Variants in HDAC9 observed in about 807,000 individuals in gnomAD.
HDAC9 encodes the protein histone deacetylase 9.
A neutral mutation model predicts 139.4 loss-of-function variants in HDAC9; 41 were observed. The ratio of observed to expected loss-of-function variants is 0.29; its 90% CI spans 0.23 to 0.38. The LOEUF (loss-of-function observed/expected upper bound fraction) is 0.38, where lower values mean the gene tolerates loss of function less well. Among genes scored for constraint, HDAC9 ranks in the 10% least tolerant of loss-of-function variants. HDAC9 has a pLI of 1.00. For synonymous variants in HDAC9, 517 were observed against 476.2 expected, an observed-to-expected ratio of 1.09 and a Z score of -1.12; for missense variants, 1,147 against 1,297.0, an observed-to-expected ratio of 0.88 and a Z score of 1.78.
intron 17 of HDAC9, among the ~76,000 whole-genome samples, chr7:18,803,778 T>C (rs1017530118): frequency 6.6e-6 from 1 of 152,196 alleles, no homozygotes. Flanking sequence ...GTCAAGTTGT[T>C]TAAAATATAT....
intron 1 of HDAC9, among the ~76,000 whole-genome samples, chr7:18,376,153 T>C (rs1031392920): frequency 3.3e-5 from 5 of 151,932 alleles, no homozygotes. Context: ...GAGTAAGAGA[T>C]ACACGGAAGG....
intron 21 of HDAC9, among the ~76,000 whole-genome samples, chr7:18,837,961 G>C (rs1485840194): frequency 6.6e-6 from 1 of 152,048 alleles, no homozygotes; most frequent in Non-Finnish European, 1.5e-5. Flanking sequence ...TCCATTACTT[G>C]AGTTTCATTA....
intron 2 of HDAC9, among the ~76,000 whole-genome samples, chr7:18,578,477 G>T (rs543042368): frequency 6.6e-6 from 1 of 152,320 alleles, no homozygotes; most frequent in South Asian, 2.1e-4. Flanking sequence ...CTTCTCTGCA[G>T]AGGGTTAGAG....
In HDAC9 at chr7:18,738,715, G is replaced by T. The variant is rs147605033; in HGVS notation, c.1910-10290G>T. 4.7e-4 allele frequency among the ~76,000 whole-genome samples: 71 copies of T among 152,148 alleles called. 3 individuals are homozygous for T. The East Asian group carries it at 0.013, about 28-fold the overall frequency. On this transcript the variant is annotated intron_variant, in intron 13 of 25. Coordinates refer to ENST00000686413, the MANE Select transcript of HDAC9 (RefSeq NM_178425.4). ...ACACTTTTTCCTTCATTTCAACCTTGGTGTATTTGATGATTATGTGTCTTG... is the reference window on the plus strand; with the variant it reads ...ACACTTTTTCCTTCATTTCAACCTTTGTGTATTTGATGATTATGTGTCTTG...
intron 22 of HDAC9, among the ~76,000 whole-genome samples, chr7:18,917,534 G>A (rs565794123): frequency 6.6e-6 from 1 of 152,060 alleles, no homozygotes; most frequent in Admixed American, 6.6e-5. Context: ...TGTGGTGGGG[G>A]CAGCAGAGTT....
chr7:18,418,977 A>T (rs763533501), intron 1 of HDAC9, among the ~76,000 whole-genome samples: 2 of 152,194 alleles, frequency 1.3e-5, no homozygotes, highest in Non-Finnish European at 2.9e-5. Context: ...GTTTTTGAGC[A>T]TCTGCCCTGT....
At chr7:18,819,284 T>A (rs1322789673) in intron 17 of HDAC9, among the ~76,000 whole-genome samples, 4 of 151,934 alleles carry the variant, frequency 2.6e-5, no homozygotes, top group East Asian at 3.9e-4. Context: ...CATCTAAAAA[T>A]AATAATAATA....
chr7:18,251,585 A>T (rs1267358702), intron 2 of HDAC9, among the ~76,000 whole-genome samples: 1 of 152,210 alleles, frequency 6.6e-6, no homozygotes, highest in Admixed American at 6.5e-5. Context: ...GAGGGCAGGG[A>T]GATTCTAAGA....
chr7:18,935,723 A>G (rs1781586184), intron 22 of HDAC9, 86 bp from the exon 23 acceptor site: 1 of 1,247,718 alleles, frequency 8.0e-7, no homozygotes, highest in Non-Finnish European at 1.2e-6. Flanking sequence ...GTAATGACTT[A>G]CTCAAAATAC....
At chr7:18,933,626 T>G (rs919391078) in intron 22 of HDAC9, among the ~76,000 whole-genome samples, 1 of 111,050 alleles carries the variant, frequency 9.0e-6, no homozygotes, top group Non-Finnish European at 1.9e-5. Flanking sequence ...CTCCACAAAT[T>G]AAATAAATTA....
In HDAC9 at chr7:18,727,675, C is replaced by T; in HGVS notation, c.1827C>T (p.Val609=). ...ATGGATTAGAGAAACACCGTCTCGT[C>T]TCCAGGACTCACTCTTCCCCTGCTG... ...GMDGLEKHRL[V]SRTHSSPAAS... is the part of the protein sequence containing the mutation. Residue 609 remains valine (V), a synonymous_variant, in exon 13 of 26, where the codon GTC becomes GTT. Coordinates refer to ENST00000686413, the MANE Select transcript of HDAC9 (RefSeq NM_178425.4). 1 of 1,590,188 alleles carries T rather than the reference C, an allele frequency of 6.3e-7. No homozygotes were observed. The highest frequency in any genetic ancestry group is 8.5e-7 in the Non-Finnish European group (1 of 1,171,150).
At chr7:18,626,322 A>T (rs1313473967) in intron 6 of HDAC9, among the ~76,000 whole-genome samples, 1 of 152,148 alleles carries the variant, frequency 6.6e-6, no homozygotes, top group East Asian at 1.9e-4. Context: ...TTTGGCCACC[A>T]GCCTGTCCTG....
chr7:18,524,863 TACACACAC>T lies in HDAC9; in HGVS notation c.22+28571_22+28578del, dbSNP rs57123600. On this transcript the variant is annotated intron_variant, in intron 2 of 25. Coordinates refer to ENST00000686413, the MANE Select transcript of HDAC9 (RefSeq NM_178425.4). Reference sequence around the variant, plus strand: ...GATTTTGAAATAAAACTTAGTGACATACACACACACACACACACACACACACACACACA... The same window carrying T: ...GATTTTGAAATAAAACTTAGTGACATACACACACACACACACACACACACA... 3.9e-4 allele frequency among the ~76,000 whole-genome samples: 50 copies of T among 127,738 alleles called. 1 individual carries two copies. In the South Asian group the frequency reaches 4.9e-3, roughly 13 times the overall value. The allele number at this position is 127,738 out of a possible 152,430, so 83.8% of individuals were successfully genotyped here.
At chr7:18,474,113 T>G (rs1794931045) in intron 1 of HDAC9, among the ~76,000 whole-genome samples, 1 of 152,240 alleles carries the variant, frequency 6.6e-6, no homozygotes, top group Non-Finnish European at 1.5e-5. Flanking sequence ...ATGCTGATTG[T>G]GAGCCTTGGT....
intron 2 of HDAC9, among the ~76,000 whole-genome samples, chr7:18,198,319 AT>A (rs776232147): frequency 6.6e-6 from 1 of 152,168 alleles, no homozygotes; most frequent in Non-Finnish European, 1.5e-5. Flanking sequence ...AAAGAAAAAA[AT>A]ATAAGCAGCA....
chr7:18,196,530 C>G lies in HDAC9; in HGVS notation c.25+34181C>G, dbSNP rs150437951. The stretch of plus-strand genomic sequence containing the variant: ...ACAAGATATTTAAGCTATTGCCAAA[C>G]TATAATGGAAGTTCTGAATTATGAG... On this transcript the variant is annotated intron_variant, in intron 2 of 12. Coordinates refer to the HDAC9 transcript ENST00000417496. 1.4e-3 allele frequency among the ~76,000 whole-genome samples: 219 copies of G among 152,074 alleles called. 1 individual carries two copies. Among genetic ancestry groups the G allele is most frequent in the African/African-American group, 4.2e-3 (174 of 41,480 alleles).
At chr7:18,662,375 A>C (rs763712195) in intron 11 of HDAC9, among the ~76,000 whole-genome samples, 49 of 152,034 alleles carry the variant, frequency 3.2e-4, no homozygotes, top group Non-Finnish European at 5.6e-4. Flanking sequence ...TAACTCAAGA[A>C]ATTTTATTGT....
chr7:18,755,812 A>G (rs917860855), intron 14 of HDAC9, among the ~76,000 whole-genome samples: 82 of 152,298 alleles, frequency 5.4e-4, no homozygotes, highest in African/African-American at 1.9e-3. Context: ...ATGTCCTAAA[A>G]TACTTTAAAA....
At chr7:18,970,811 A>T (rs576918804) in intron 24 of HDAC9, among the ~76,000 whole-genome samples, 11 of 46,372 alleles carry the variant, frequency 2.4e-4, no homozygotes, top group African/African-American at 9.0e-4. Context: ...GAAAAAAGGT[A>T]AAAAAAAGCA....
Sources: allele counts gnomAD v4.1 joint callset (sites outside exome capture counted in the v4.1 genomes callset), GRCh38; gene constraint gnomAD v4.1.1; transcripts MANE v1.5; gene names NCBI Gene and HGNC (gene_info 2026-07-23, HGNC 2026-07-21).